PRKACB: variants seen among roughly 807,000 people sequenced by gnomAD.
PRKACB encodes protein kinase cAMP-activated catalytic subunit beta.
In PRKACB, 16 loss-of-function variants were observed where a neutral mutation model predicts 51.4. The ratio of observed to expected loss-of-function variants is 0.31; its 90% confidence interval spans 0.21 to 0.47. The LOEUF is 0.47. Ranked by LOEUF, PRKACB falls within the 20% of genes least tolerant of loss-of-function variation. The probability of loss-of-function intolerance (pLI) is 1.00; values close to 1 mark genes in which losing one functional copy is unlikely to be tolerated. For synonymous variants in PRKACB, 147 were observed against 154.4 expected (o/e 0.95, Z 0.35); for missense variants, 309 against 464.5 (o/e 0.67, Z 3.08).
At chr1:84,100,843 A>T (rs1649298890) in intron 1 of PRKACB, among the ~76,000 whole-genome samples, 1 of 152,194 alleles carries the variant, frequency 6.6e-6, no homozygotes, top group Non-Finnish European at 1.5e-5. Context: ...TTTATACAAG[A>T]GGTAACTGAG....
At chr1:84,183,592 A>G (rs1324899367) in intron 3 of PRKACB, among the ~76,000 whole-genome samples, 1 of 151,814 alleles carries the variant, frequency 6.6e-6, no homozygotes, top group African/African-American at 2.4e-5. Context: ...CTATCTACTT[A>G]TTGCAGAGAT....
chr1:84,108,417 T>C (rs1318266340), intron 1 of PRKACB, among the ~76,000 whole-genome samples: 2 of 151,976 alleles, frequency 1.3e-5, no homozygotes, highest in Non-Finnish European at 2.9e-5. Context: ...AAAAAATCTG[T>C]ATGCCAAACC....
chr1:84,161,318 T>C (rs1656166155), intron 1 of PRKACB, among the ~76,000 whole-genome samples: 1 of 151,896 alleles, frequency 6.6e-6, no homozygotes. Flanking sequence ...TGATGAATCT[T>C]GTTTTCCTGT....
At chr1:84,212,560 C>T (rs1041947300) in intron 8 of PRKACB, among the ~76,000 whole-genome samples, 2 of 152,122 alleles carry the variant, frequency 1.3e-5, no homozygotes, top group African/African-American at 4.8e-5. Flanking sequence ...CATGAAGCTA[C>T]AAATCATGAC....
At chr1:84,222,022 G>A (rs1285641759) in intron 9 of PRKACB, among the ~76,000 whole-genome samples, 3 of 152,132 alleles carry the variant, frequency 2.0e-5, no homozygotes, top group African/African-American at 7.2e-5. Context: ...TGAGAATGGA[G>A]TGTTGAAGTC....
intron 1 of PRKACB, among the ~76,000 whole-genome samples, chr1:84,115,065 C>T (rs977946281): frequency 6.6e-6 from 1 of 152,140 alleles, no homozygotes; most frequent in African/African-American, 2.4e-5. Flanking sequence ...AGTGGGATTG[C>T]TGGATCATAT....
intron 1 of PRKACB, among the ~76,000 whole-genome samples, chr1:84,177,174 TA>T (rs1558123028): frequency 6.6e-6 from 1 of 151,996 alleles, no homozygotes; most frequent in Non-Finnish European, 1.5e-5. Flanking sequence ...GTTCTATAAA[TA>T]AAAGATAACT....
intron 1 of PRKACB, among the ~76,000 whole-genome samples, chr1:84,101,373 A>G (rs1571580864): frequency 6.6e-6 from 1 of 152,270 alleles, no homozygotes; most frequent in Middle Eastern, 3.4e-3. Context: ...CATCTACAAA[A>G]TACCTTCACA....
Position 84,181,667 on chromosome 1 carries a change from T to G in PRKACB, c.250-533T>G, listed in dbSNP as rs559690161. On this transcript the variant is annotated intron_variant, in intron 2 of 9. Coordinates refer to ENST00000370685, the MANE Select transcript of PRKACB (RefSeq NM_182948.4). ...AAGCCACTAGGCTCTCTCATGCTGC[T>G]ACTATCTAGTTCTATAAGCTTATAT... 697 of 1,508,818 alleles carry G rather than the reference T, an allele frequency of 4.6e-4. 2 individuals are homozygous for G. Among genetic ancestry groups the G allele is most frequent in the Middle Eastern group, 1.0e-3 (6 of 5,748 alleles). 93.5% of individuals were successfully genotyped at this position (1,508,818 alleles called of 1,614,324 possible).
rs1257463202 is a variant in PRKACB at position 84,197,837 on chromosome 1, T to A, written c.783+13T>A. 6.5e-7 allele frequency: 1 copy of A among 1,546,150 alleles called. No homozygotes were observed. The highest frequency in any genetic ancestry group is 8.9e-7 in the Non-Finnish European group (1 of 1,121,880). ...AATTCTCAGCAAGGTATATTCATAA[T>A]ATCAACACATAAGAAGTAGAAATAT... On this transcript the variant is annotated intron_variant, in intron 7 of 9. Transcript: ENST00000370685.
At chr1:84,163,395 T>A (rs1049158014) in intron 1 of PRKACB, among the ~76,000 whole-genome samples, 8 of 152,088 alleles carry the variant, frequency 5.3e-5, no homozygotes, top group Non-Finnish European at 1.0e-4. Flanking sequence ...TGCTTAGCCC[T>A]ACCAAGGCCA....
upstream of PRKACB, among the ~76,000 whole-genome samples, chr1:84,143,955 A>G (rs1365683738): frequency 1.3e-5 from 2 of 152,094 alleles, no homozygotes; most frequent in Admixed American, 1.3e-4. Context: ...TGTCTTTAGC[A>G]TGTTGTGTTT....
At chr1:84,081,463 C>G (rs192959701) in intron 1 of PRKACB, among the ~76,000 whole-genome samples, 15 of 152,250 alleles carry the variant, frequency 9.9e-5, no homozygotes, top group Non-Finnish European at 1.6e-4. Flanking sequence ...CTATTACATA[C>G]CTAACTGCTC....
chr1:84,128,463 T>G (rs968944769), intron 1 of PRKACB, among the ~76,000 whole-genome samples: 2 of 152,194 alleles, frequency 1.3e-5, no homozygotes, highest in African/African-American at 2.4e-5. Context: ...TATAACAGAA[T>G]AGTTTTTAAA....
chr1:84,109,157 G>A (rs1650015224), intron 1 of PRKACB, among the ~76,000 whole-genome samples: 2 of 151,856 alleles, frequency 1.3e-5, no homozygotes, highest in Admixed American at 6.6e-5. Flanking sequence ...ACTATTGATG[G>A]GATGTGATGT....
chr1:84,202,429 C>A (rs555930483), intron 7 of PRKACB, among the ~76,000 whole-genome samples: 3 of 152,010 alleles, frequency 2.0e-5, no homozygotes, highest in African/African-American at 7.2e-5. Flanking sequence ...CTATAATATT[C>A]TTAATAATTT....
intron 5 of PRKACB, among the ~76,000 whole-genome samples, chr1:84,195,888 G>C (rs1193337280): frequency 1.4e-5 from 2 of 145,638 alleles, no homozygotes; most frequent in Non-Finnish European, 3.0e-5. Flanking sequence ...ACTCCAGCCT[G>C]GGCAACAGAG....
chr1:84,149,526 G>T (rs921374201), intron 1 of PRKACB, among the ~76,000 whole-genome samples: 1 of 152,168 alleles, frequency 6.6e-6, no homozygotes, highest in African/African-American at 2.4e-5. Flanking sequence ...CTCCCAAAGT[G>T]CTGGGAATAC....
intron 5 of PRKACB, 68 bp downstream of exon 5, chr1:84,185,250 A>G (rs2101029740): frequency 8.7e-7 from 1 of 1,145,824 alleles, no homozygotes; most frequent in Middle Eastern, 2.0e-4. Context: ...TTTTAAGTTG[A>G]TGCCAATGCC....
Sources: allele counts gnomAD v4.1 joint callset (sites outside exome capture counted in the v4.1 genomes callset), GRCh38; gene constraint gnomAD v4.1.1; transcripts MANE v1.5; gene names NCBI Gene and HGNC (gene_info 2026-07-23, HGNC 2026-07-21).